The following MIER2 variants were observed in gnomAD, a reference collection of about 807,000 sequenced individuals.
MIER2 encodes the protein mesoderm induction early response protein 2.
Under a neutral mutation model 67.6 loss-of-function variants are expected in MIER2, and 30 were observed. That is an observed-to-expected ratio of 0.44 (90% confidence interval 0.33 to 0.60). MIER2 has a LOEUF of 0.60. MIER2 is among the 20% of genes least tolerant of loss of function. MIER2 has a pLI of 0.02. For synonymous variants in MIER2, 372 were observed against 312.6 expected, an observed-to-expected ratio of 1.19 and a Z score of -2.00; for missense variants, 702 against 745.1, an observed-to-expected ratio of 0.94 and a Z score of 0.67.
chr19:311,760 T>A, intron 10 of MIER2, 85 bp downstream of exon 10: 1 of 1,314,896 alleles, frequency 7.6e-7, no homozygotes, highest in Non-Finnish European at 1.1e-6. Flanking sequence ...AGGCCTCCAG[T>A]CGGCCGTGTG....
chr19:334,875 G>A (rs991430377), intron 2 of MIER2, among the ~76,000 whole-genome samples: 40 of 152,324 alleles, frequency 2.6e-4, no homozygotes, highest in African/African-American at 8.7e-4. Context: ...TAGGGTAGAA[G>A]GAGCAGCAGG....
At chr19:331,940 C>T (rs1043761306) in intron 3 of MIER2, among the ~76,000 whole-genome samples, 3 of 152,122 alleles carry the variant, frequency 2.0e-5, no homozygotes, top group African/African-American at 7.2e-5. Flanking sequence ...AAGATCACAC[C>T]ACTGCACTCC....
intron 10 of MIER2, among the ~76,000 whole-genome samples, chr19:311,580 A>C (rs779936973): frequency 9.2e-5 from 14 of 151,414 alleles, no homozygotes; most frequent in Non-Finnish European, 1.6e-4. Flanking sequence ...CCTGGGGTGG[A>C]ATGTGAGGCA....
chr19:334,493 C>T lies in MIER2; in HGVS notation c.150G>A (p.Leu50=). ...GDHQFNLAEI[L]SQNYSVRGEC... is the part of the protein sequence containing the mutation. ...CCCCCCTAACACTGTAGTTCTGTGACAGGATCTCTGCGAGGTTGAACTGAT... is the reference window on the plus strand; with the variant it reads ...CCCCCCTAACACTGTAGTTCTGTGATAGGATCTCTGCGAGGTTGAACTGAT... Residue 50 remains leucine, a synonymous_variant, in exon 3 of 14, where the codon CTG becomes CTA. Coordinates refer to ENST00000264819, the MANE Select transcript of MIER2 (RefSeq NM_017550.3). 6.2e-7 allele frequency: 1 copy of T among 1,614,158 alleles called. No homozygotes were observed. The highest frequency in any genetic ancestry group is 8.5e-7 in the Non-Finnish European group (1 of 1,180,024).
At position 311,907 on chromosome 19, in the gene MIER2, T is replaced by A. The variant is rs1392006685; in HGVS notation, c.922A>T (p.Arg308Trp). The A allele has an allele frequency of 2.7e-5, 44 of 1,614,060 alleles. No individual in the cohort carries two copies. Among genetic ancestry groups the A allele is most frequent in the Non-Finnish European group, 3.7e-5 (44 of 1,179,954 alleles). Residue 308 changes from arginine (R) to tryptophan (W), a missense_variant, in exon 10 of 14, where the codon AGG becomes TGG. Around this residue, in one of 3 missense-constraint regions of MIER2, gnomAD observed 128 missense variants for 189.7 expected, o/e 0.67. Coordinates refer to ENST00000264819, the MANE Select transcript of MIER2 (RefSeq NM_017550.3). ...GLCAWSEEEC[R>W]NFEHGFRVHG... ...ACACGGAAGCCGTGCTCAAAGTTCC[T>A]GCACTCCTCTTCACTCCAAGCACAG...
chr19:317,622 TGGGA>T (rs1241832377), intron 7 of MIER2, among the ~76,000 whole-genome samples: 1 of 147,908 alleles, frequency 6.8e-6, no homozygotes, highest in Non-Finnish European at 1.5e-5. Context: ...CCCAGCTACT[TGGGA>T]GGCTAAGGTA....
At chr19:338,083 G>C (rs1269490165) in intron 1 of MIER2, among the ~76,000 whole-genome samples, 1 of 135,658 alleles carries the variant, frequency 7.4e-6, no homozygotes, top group South Asian at 2.5e-4. Flanking sequence ...GAGGCAGGAG[G>C]ATCGCTTGAA....
rs370482286 is a variant in MIER2 at position 307,340 on chromosome 19, G to A, written c.1395C>T (p.Asp465=). Reference sequence around the variant, plus strand: ...AGTCCACGGCCAGCCTTGGGCTGGCGTCTGGCTCCGGAGCAGTGACAGCTG... The same window carrying A: ...AGTCCACGGCCAGCCTTGGGCTGGCATCTGGCTCCGGAGCAGTGACAGCTG... The part of the protein sequence containing the change: ...YQPAVTAPEP[D]ASPRLAVDFA... The change falls in exon 13 of 14, where the codon GAC becomes GAT. Residue 465 remains aspartate, a synonymous_variant. Coordinates refer to ENST00000264819, the MANE Select transcript of MIER2 (RefSeq NM_017550.3). 9.4e-6 allele frequency: 15 copies of A among 1,603,794 alleles called. No individual in the cohort carries two copies. Among genetic ancestry groups the A allele is most frequent in the Admixed American group, 1.7e-5 (1 of 58,254 alleles).
At chr19:323,480 C>T (rs1971590405) in intron 7 of MIER2, among the ~76,000 whole-genome samples, 1 of 151,364 alleles carries the variant, frequency 6.6e-6, no homozygotes, top group African/African-American at 2.4e-5. Context: ...GGCATCATCA[C>T]AATGCAATAC....
intron 7 of MIER2, among the ~76,000 whole-genome samples, chr19:316,476 C>T (rs1356324019): frequency 2.0e-5 from 3 of 151,972 alleles, no homozygotes; most frequent in Non-Finnish European, 2.9e-5. Flanking sequence ...TTTTAGTAGA[C>T]ACAGGGTTTC....
chr19:331,937 C>T lies in MIER2; in HGVS notation c.243+2463G>A, dbSNP rs144398005. Among the ~76,000 whole-genome samples the T allele has an allele frequency of 1.4e-3, 214 of 152,162 alleles. 4 individuals carry two copies. The East Asian group carries it at 0.038, about 27-fold the overall frequency. On this transcript the variant is annotated intron_variant, in intron 3 of 13. Coordinates refer to ENST00000264819, the MANE Select transcript of MIER2 (RefSeq NM_017550.3). ...CGGAGGATGCAGTGAGCCAAGATCA[C>T]ACCACTGCACTCCAGCCTGGGAAAC... is the stretch of plus-strand genomic sequence containing the variant.
chr19:330,835 C>T (rs985749376), intron 3 of MIER2, among the ~76,000 whole-genome samples: 4 of 152,162 alleles, frequency 2.6e-5, no homozygotes, highest in Non-Finnish European at 5.9e-5. Context: ...TGATCATGGA[C>T]CTTTCTGCCT....
At chr19:323,712 A>G (rs1971598539) in intron 7 of MIER2, among the ~76,000 whole-genome samples, 1 of 152,100 alleles carries the variant, frequency 6.6e-6, no homozygotes. Context: ...AGACACACGC[A>G]ACCACACAGA....
intron 7 of MIER2, among the ~76,000 whole-genome samples, chr19:317,432 CAGG>C (rs369992368): frequency 0.2 from 30,985 of 151,676 alleles, 4,146 homozygotes; most frequent in Non-Finnish European, 0.28. Flanking sequence ...GAGGCTGAAG[CAGG>C]AGAATGGCGT....
chr19:310,540 C>T (rs893244731), intron 10 of MIER2, among the ~76,000 whole-genome samples: 6 of 148,540 alleles, frequency 4.0e-5, no homozygotes, highest in African/African-American at 7.7e-5. Context: ...AAACACGGCC[C>T]GGAGCTGCAG....
chr19:336,892 G>C (rs955391238), intron 1 of MIER2, among the ~76,000 whole-genome samples: 1 of 151,890 alleles, frequency 6.6e-6, no homozygotes, highest in Non-Finnish European at 1.5e-5. Flanking sequence ...GCCCAGGCTG[G>C]AGTGCAGTGG....
Position 307,551 on chromosome 19 carries a change from G to A in MIER2, c.1199-15C>T, listed in dbSNP as rs192200796. 172 of 1,493,276 alleles carry A rather than the reference G, an allele frequency of 1.2e-4. No individual in the cohort carries two copies. The East Asian group carries it at 3.3e-3, about 29-fold the overall frequency. The allele number at this position is 1,493,276 out of a possible 1,614,324, so 92.5% of individuals were successfully genotyped here. ...GCTCAGTGGATCTGTGAAAGAGAAC[G>A]CAACAGAGGGTGGGGCCTGCCCACA... On this transcript the variant is annotated splice_polypyrimidine_tract_variant and intron_variant, in intron 12 of 13. Coordinates refer to ENST00000264819, the MANE Select transcript of MIER2 (RefSeq NM_017550.3).
intron 7 of MIER2, among the ~76,000 whole-genome samples, chr19:314,870 G>A (rs139003115): frequency 8.6e-5 from 13 of 151,558 alleles, no homozygotes; most frequent in African/African-American, 1.2e-4. Flanking sequence ...TGGGAGGATC[G>A]GTTGAGGCCA....
chr19:321,851 C>A (rs1439075855), intron 7 of MIER2, among the ~76,000 whole-genome samples: 2 of 152,136 alleles, frequency 1.3e-5, no homozygotes, highest in African/African-American at 4.8e-5. Flanking sequence ...AAAGGCGTCA[C>A]TGCAGCTCAG....
Sources: allele counts gnomAD v4.1 joint callset (sites outside exome capture counted in the v4.1 genomes callset), GRCh38; gene constraint gnomAD v4.1.1; regional missense constraint gnomAD v4.1.1; transcripts MANE v1.5; gene names NCBI Gene and HGNC (gene_info 2026-07-23, HGNC 2026-07-21).